RUFY4: variants seen among roughly 807,000 people sequenced by gnomAD.
The protein encoded by RUFY4 is RUN and FYVE domain-containing protein 4.
A neutral mutation model predicts 69.0 loss-of-function variants in RUFY4; 73 were observed. That is an observed-to-expected ratio of 1.06 (90% CI 0.88 to 1.29). The LOEUF (loss-of-function observed/expected upper bound fraction) is 1.29, where lower values mean the gene tolerates loss of function less well. Among genes scored for constraint, RUFY4 ranks in the 50% most tolerant of loss-of-function variants. The pLI is 0.00. For synonymous variants in RUFY4, 287 were observed against 271.8 expected (o/e 1.06, Z -0.55); for missense variants, 770 against 705.6 (o/e 1.09, Z -1.03).
exon 5 of RUFY4, chr2:218,073,367 G>A (rs913005670): frequency 2.5e-6 from 4 of 1,593,046 alleles, no homozygotes; most frequent in Non-Finnish European, 3.4e-6. Context: ...CCTGGATGGA[G>A]CCTGGCCCAT....
At chr2:218,065,212 C>T (rs1180451854), upstream of RUFY4, among the ~76,000 whole-genome samples, 4 of 152,314 alleles carry the variant, frequency 2.6e-5, no homozygotes, top group Middle Eastern at 3.4e-3. Context: ...CCACTCAGCC[C>T]TCTCCCTGGC....
intron 8 of RUFY4, among the ~76,000 whole-genome samples, chr2:218,079,597 G>A (rs1472985393): frequency 2.0e-5 from 3 of 152,098 alleles, no homozygotes; most frequent in African/African-American, 4.8e-5. Context: ...CTGGGAGATC[G>A]ATCCTGGAGT....
At chr2:218,073,819 A>G (rs745676826) in exon 6 of RUFY4, 10 of 1,613,948 alleles carry the variant, frequency 6.2e-6, no homozygotes, top group Non-Finnish European at 7.6e-6. Flanking sequence ...CTTTCAGGTC[A>G]CGCTGCTCCA....
At chr2:218,075,153 G>A (rs1689592815) in exon 7 of RUFY4, 1 of 1,555,074 alleles carries the variant, frequency 6.4e-7, no homozygotes, top group Non-Finnish European at 8.7e-7. Context: ...CACCAGTCAA[G>A]CCATCTGTCT....
upstream of RUFY4, chr2:218,069,111 C>T (rs1395832073): frequency 3.9e-5 from 6 of 152,360 alleles, no homozygotes; most frequent in Admixed American, 3.9e-4. Context: ...AGGACCCATC[C>T]CCCATCTCAC....
chr2:218,086,579 A>G (rs1322021581), intron 9 of RUFY4, among the ~76,000 whole-genome samples: 1 of 152,226 alleles, frequency 6.6e-6, no homozygotes, highest in Admixed American at 6.5e-5. Context: ...CAAACCATGA[A>G]TTAAGTGGGG....
intron 2 of RUFY4, among the ~76,000 whole-genome samples, chr2:218,071,698 T>A (rs1299289686): frequency 6.6e-6 from 1 of 152,224 alleles, no homozygotes; most frequent in Admixed American, 6.5e-5. Flanking sequence ...GTCATCACTA[T>A]CTAACATACT....
intron 9 of RUFY4, among the ~76,000 whole-genome samples, chr2:218,086,363 G>A (rs941973790): frequency 3.9e-5 from 6 of 152,088 alleles, no homozygotes; most frequent in Non-Finnish European, 7.4e-5. Flanking sequence ...GCAAAGGAAT[G>A]AAAAACAAAA....
At chr2:218,057,912 G>A (rs1039071642) in intron 2 of RUFY4, among the ~76,000 whole-genome samples, 1 of 152,194 alleles carries the variant, frequency 6.6e-6, no homozygotes, top group Admixed American at 6.5e-5. Flanking sequence ...ATTCCCTATT[G>A]ATAAACATTT....
At chr2:218,070,942 C>T in intron 2 of RUFY4, 83 bp downstream of exon 4, 2 of 1,009,114 alleles carry the variant, frequency 2.0e-6, no homozygotes, top group African/African-American at 3.2e-5. Context: ...CAGGGAGGAG[C>T]CACAGCCCCC....
At chr2:218,064,486 G>C (rs1211386433), upstream of RUFY4, among the ~76,000 whole-genome samples, 1 of 152,128 alleles carries the variant, frequency 6.6e-6, no homozygotes, top group South Asian at 2.1e-4. Context: ...ATCCTCCCTC[G>C]CTCCATCCCA....
intron 2 of RUFY4, among the ~76,000 whole-genome samples, chr2:218,041,780 G>A (rs1574491270): frequency 6.6e-6 from 1 of 152,204 alleles, no homozygotes; most frequent in Admixed American, 6.5e-5. Context: ...CAAGCTTGAG[G>A]TAATTTGTAA....
At chr2:218,056,717 C>T (rs529563189) in intron 2 of RUFY4, among the ~76,000 whole-genome samples, 1 of 152,342 alleles carries the variant, frequency 6.6e-6, no homozygotes, top group East Asian at 1.9e-4. Context: ...GGGATTACAT[C>T]ACAGTTCAGC....
rs961073088 is a variant in RUFY4 at position 218,076,323 on chromosome 2, G to A, written c.1249-104G>A. The stretch of plus-strand genomic sequence containing the variant: ...CCCAGCACTGTCCCCAGCCCTGCCA[G>A]GGCATGGCCTGGGGTCTCTCGGGAA... On this transcript the variant is annotated intron_variant, in intron 7 of 10. Coordinates refer to ENST00000344321, the Ensembl canonical transcript of RUFY4. 4 of 1,460,986 alleles carry A rather than the reference G, an allele frequency of 2.7e-6. No homozygotes were observed. The Admixed American group carries it at 1.0e-4, about 37-fold the overall frequency. 90.5% of individuals were successfully genotyped at this position (1,460,986 alleles called of 1,614,324 possible). A position where few individuals can be genotyped will look rare whatever the true frequency, so the allele number is the denominator to read the frequency against.
At chr2:218,046,959 T>TTAAA (rs1688842207) in intron 2 of RUFY4, among the ~76,000 whole-genome samples, 1 of 151,196 alleles carries the variant, frequency 6.6e-6, no homozygotes, top group Non-Finnish European at 1.5e-5. Context: ...AAACACTTGA[T>TTAAA]TAAATAGGTA....
At chr2:218,072,647 C>A (rs952879421) in intron 3 of RUFY4, 132 bp from the exon 6 acceptor site, 2 of 1,328,936 alleles carry the variant, frequency 1.5e-6, no homozygotes, top group African/African-American at 2.9e-5. Flanking sequence ...TCCAGACACC[C>A]TTTTCCTCCC....
chr2:218,055,113 G>A (rs559267439), intron 2 of RUFY4, among the ~76,000 whole-genome samples: 6 of 152,282 alleles, frequency 3.9e-5, no homozygotes, highest in African/African-American at 1.4e-4. Flanking sequence ...GAAGATACAA[G>A]GCGAAGCACA....
intron 8 of RUFY4, among the ~76,000 whole-genome samples, chr2:218,082,380 C>CCTT (rs67281087): frequency 0.44 from 67,095 of 151,864 alleles, 15,224 homozygotes; most frequent in Middle Eastern, 0.61. Flanking sequence ...CAGGCGTCTG[C>CCTT]CTTCCCTCCA....
chr2:218,046,097 G>T (rs1281602292), intron 2 of RUFY4, among the ~76,000 whole-genome samples: 2 of 152,028 alleles, frequency 1.3e-5, no homozygotes, highest in Non-Finnish European at 2.9e-5. Flanking sequence ...GAGCCACCGA[G>T]CCCAGCCCAT....
Sources: allele counts gnomAD v4.1 joint callset (sites outside exome capture counted in the v4.1 genomes callset), GRCh38; gene constraint gnomAD v4.1.1; transcripts MANE v1.5; gene names NCBI Gene and HGNC (gene_info 2026-07-23, HGNC 2026-07-21).